SLC1A7: variants seen among roughly 807,000 people sequenced by gnomAD.
The protein encoded by SLC1A7 is solute carrier family 1 member 7.
In SLC1A7, 40 loss-of-function variants were observed where a neutral mutation model predicts 47.7. The observed-to-expected ratio is 0.84, with a 90% CI of 0.65 to 1.09. The LOEUF is 1.09. Ranked by LOEUF, SLC1A7 falls within the 50% of genes least tolerant of loss-of-function variation. The pLI, the probability that SLC1A7 is intolerant of heterozygous loss-of-function variation, is 0.00. For missense variants in SLC1A7, 746 were observed against 769.5 expected, an observed-to-expected ratio of 0.97 and a Z score of 0.36; for synonymous variants, 323 against 325.6, an observed-to-expected ratio of 0.99 and a Z score of 0.09.
Position 53,087,894 on chromosome 1 carries a change from T to G in SLC1A7, c.*115A>C. ...GGGGTTAATTCCAGCCTCTCAAGGG[T>G]GAGAAGAATGTGTGATCCTGGCCCC... On this transcript the variant is annotated 3_prime_UTR_variant, in exon 11 of 11. Transcript: ENST00000371494. 1.9e-6 allele frequency: 1 copy of G among 517,374 alleles called. No homozygotes were observed. Among genetic ancestry groups the G allele is most frequent in the Non-Finnish European group, 3.3e-6 (1 of 303,382 alleles). The allele number at this position is 517,374 out of a possible 1,614,324, so 32.0% of individuals were successfully genotyped here. A position where few individuals can be genotyped will look rare whatever the true frequency, so the allele number is the denominator to read the frequency against.
At chr1:53,107,450 G>A (rs1329417053) in intron 3 of SLC1A7, among the ~76,000 whole-genome samples, 2 of 152,270 alleles carry the variant, frequency 1.3e-5, no homozygotes, top group African/African-American at 4.8e-5. Context: ...TTTGACTAAC[G>A]TACCCTAGTT....
At chr1:53,109,587 C>T (rs961167888) in intron 3 of SLC1A7, among the ~76,000 whole-genome samples, 8 of 152,182 alleles carry the variant, frequency 5.3e-5, no homozygotes, top group Admixed American at 1.3e-4. Flanking sequence ...ACGCAGTGGG[C>T]TCCCACTTTC....
chr1:53,136,667 T>TATA (rs1491513212), intron 1 of SLC1A7, among the ~76,000 whole-genome samples: 173 of 2,762 alleles, frequency 0.063, no homozygotes, highest in Non-Finnish European at 0.15. Context: ...TATATATATA[T>TATA]TTTTTTTTTT....
intron 9 of SLC1A7, 86 bp downstream of exon 9, chr1:53,089,714 A>G: frequency 7.0e-7 from 1 of 1,429,204 alleles, no homozygotes; most frequent in East Asian, 2.3e-5. Context: ...ACCCTGGGGA[A>G]GGGACTCAGC....
chr1:53,114,866 A>T lies in SLC1A7; in HGVS notation c.323T>A (p.Ile108Asn), dbSNP rs751713137. ...TGGGTGGATGATGGAGACCATGAAG[A>T]TGCCCACGATGACAGCCATGAAGGT... ...WTTFMAVIVG[I>N]FMVSIIHPGS... The change falls in exon 3 of 11, where the codon ATC (isoleucine) becomes AAC (asparagine). Residue 108 changes from isoleucine (I) to asparagine (N), a missense_variant. Physicochemically the swap from Ile to Asn is moderately radical, Grantham distance 149. Transcript: ENST00000371494. 2.5e-6 allele frequency: 4 copies of T among 1,614,184 alleles called. No homozygotes were observed. The highest frequency in any genetic ancestry group is 3.4e-6 in the Non-Finnish European group (4 of 1,180,014).
At chr1:53,135,057 C>A (rs1365563134) in intron 1 of SLC1A7, among the ~76,000 whole-genome samples, 2 of 152,042 alleles carry the variant, frequency 1.3e-5, no homozygotes, top group East Asian at 3.9e-4. Context: ...GGGGCTTAAA[C>A]GGGAGAATGC....
chr1:53,092,546 G>A lies in SLC1A7; in HGVS notation c.1031+8C>T, dbSNP rs777368730. On this transcript the variant is annotated splice_region_variant and intron_variant, in intron 7 of 10. Coordinates refer to ENST00000371494, the MANE Select transcript of SLC1A7 (RefSeq NM_006671.6). ...GCTCCCCACCGTCCTGCCCGTCCCC[G>A]GGGCTACCTGGAGGAGGTGGCCAGC... The A allele has an allele frequency of 4.4e-6, 7 of 1,601,196 alleles. No homozygotes were observed. The highest frequency in any genetic ancestry group is 1.1e-5 in the South Asian group (1 of 90,772).
In SLC1A7 at chr1:53,120,085, C is replaced by T. The variant is rs112644394; in HGVS notation, c.216-5112G>A. On this transcript the variant is annotated intron_variant, in intron 2 of 10. Coordinates refer to ENST00000371494, the MANE Select transcript of SLC1A7 (RefSeq NM_006671.6). ...ATTGCAGTGATTAGAGACATTAACC[C>T]GCAGAGGCAGTGGGAAGGCCCAGCC... 5.2e-3 allele frequency among the ~76,000 whole-genome samples: 791 copies of T among 152,244 alleles called. 4 individuals are homozygous for T. Among genetic ancestry groups the T allele is most frequent in the Non-Finnish European group, 8.5e-3 (580 of 68,012 alleles).
intron 3 of SLC1A7, among the ~76,000 whole-genome samples, chr1:53,106,973 G>A (rs1191051756): frequency 6.6e-6 from 1 of 151,964 alleles, no homozygotes; most frequent in Non-Finnish European, 1.5e-5. Flanking sequence ...TGGCCAACAT[G>A]GCGAAACCCC....
rs752710827 is a variant in SLC1A7, at chr1:53,092,762, G to A, written c.823C>T (p.Leu275Phe). The A allele has an allele frequency of 6.2e-7, 1 of 1,613,714 alleles. No homozygotes were observed. The highest frequency in any genetic ancestry group is 8.5e-7 in the Non-Finnish European group (1 of 1,179,758). Reference sequence around the variant, plus strand: ...ATCTCCAGGATCTTACCCGCAATGAGGAACACAATGCCGAAGGGGAAATAC... The same window carrying A: ...ATCTCCAGGATCTTACCCGCAATGAAGAACACAATGCCGAAGGGGAAATAC... ...VWYFPFGIVF[L>F]IAGKILEMDD... The change falls in exon 7 of 11, where the codon CTC becomes TTC. Residue 275 changes from leucine (L) to phenylalanine (F), a missense_variant. Leu to Phe is a conservative substitution (Grantham distance 22, BLOSUM62 0). Transcript: ENST00000371494.
At chr1:53,096,530 GCTCAGTACACTCACACCCCATGC>G (rs1644493294) in intron 5 of SLC1A7, among the ~76,000 whole-genome samples, 1 of 130,518 alleles carries the variant, frequency 7.7e-6, no homozygotes, top group South Asian at 2.5e-4. Flanking sequence ...ATAAACCCCA[GCTCAGTACACTCACACCCCATGC>G]CTCAGTACAC....
At chr1:53,131,127 A>G (rs1431750103) in intron 2 of SLC1A7, among the ~76,000 whole-genome samples, 1 of 152,212 alleles carries the variant, frequency 6.6e-6, no homozygotes, top group Non-Finnish European at 1.5e-5. Flanking sequence ...TCTCAACTTA[A>G]TATCACATGC....
chr1:53,142,492 G>A lies in SLC1A7; in HGVS notation c.-43C>T, dbSNP rs562178601. The A allele has an allele frequency of 6.2e-6, 10 of 1,601,788 alleles. No homozygotes were observed. The highest frequency in any genetic ancestry group is 4.0e-5 in the African/African-American group (3 of 74,856). Reference sequence around the variant, plus strand: ...GGCAAGGGGCACAGCACCATTCCACGCATGAGAGCCCGGCCGGGGGCACAG... The same window carrying A: ...GGCAAGGGGCACAGCACCATTCCACACATGAGAGCCCGGCCGGGGGCACAG... On this transcript the variant is annotated 5_prime_UTR_variant, in exon 1 of 11. Coordinates refer to ENST00000371494, the MANE Select transcript of SLC1A7 (RefSeq NM_006671.6).
rs1317750049 is a variant in SLC1A7 at position 53,090,425 on chromosome 1, T to C, written c.1226+187A>G. The stretch of plus-strand genomic sequence containing the variant: ...CTGTCCCTGGCCTCCGCTCGCCCTG[T>C]GGCCACCAGCAATGCCCTCCCTCCC... On this transcript the variant is annotated intron_variant, in intron 8 of 10. Coordinates refer to ENST00000371494, the MANE Select transcript of SLC1A7 (RefSeq NM_006671.6). 4 of 936,962 alleles carry C rather than the reference T, an allele frequency of 4.3e-6. No individual in the cohort carries two copies. The African/African-American group carries it at 6.6e-5, about 16-fold the overall frequency. 58.0% of individuals were successfully genotyped at this position (936,962 alleles called of 1,614,324 possible). A position where few individuals can be genotyped will look rare whatever the true frequency, so the allele number is the denominator to read the frequency against.
intron 5 of SLC1A7, among the ~76,000 whole-genome samples, chr1:53,097,053 G>A (rs536973772): frequency 9.9e-5 from 13 of 131,334 alleles, no homozygotes; most frequent in Non-Finnish European, 1.6e-4. Flanking sequence ...AACCTGCCTC[G>A]GTACAATCAC....
intron 10 of SLC1A7, 123 bp downstream of exon 10, chr1:53,088,754 G>T: frequency 1.4e-6 from 1 of 720,514 alleles, no homozygotes; most frequent in Non-Finnish European, 2.5e-6. Context: ...GGAGACCGAG[G>T]CCCAGAGGCA....
At chr1:53,089,003 A>G (rs768442422) in intron 9 of SLC1A7, 24 bp from the exon 10 acceptor site, 2 of 1,590,322 alleles carry the variant, frequency 1.3e-6, no homozygotes, top group South Asian at 2.2e-5. Context: ...GTTGGGGGTG[A>G]GTGGTGGGCA....
At chr1:53,115,048 C>T (rs1341718258) in intron 2 of SLC1A7, 75 bp from the exon 3 acceptor site, 1 of 1,164,588 alleles carries the variant, frequency 8.6e-7, no homozygotes, top group Non-Finnish European at 1.3e-6. Context: ...CACTCAGCCC[C>T]TCCTGGCCAT....
At position 53,134,406 on chromosome 1, in the gene SLC1A7, A is replaced by G. The variant is rs3737989; in HGVS notation, c.159T>C (p.Pro53=). The change falls in exon 2 of 11, where the codon CCT becomes CCC. Residue 53 remains proline (P), a synonymous_variant. Coordinates refer to ENST00000371494, the MANE Select transcript of SLC1A7 (RefSeq NM_006671.6). The part of the protein sequence containing the change: ...SPQEISYFQF[P]GELLMRMLKM... The stretch of plus-strand genomic sequence containing the variant: ...TCAGCATCCTCATCAGGAGCTCTCC[A>G]GGGAACTGGAAGTAACTAATTTCCT... 0.18 allele frequency: 285,357 copies of G among 1,611,086 alleles called. 27,341 individuals are homozygous for G. The highest frequency in any genetic ancestry group is 0.34 in the Admixed American group (20,088 of 59,818).
Sources: gnomAD v4.1 joint callset for allele counts (sites outside exome capture counted in the v4.1 genomes callset) on GRCh38, gnomAD v4.1.1 for gene constraint, MANE v1.5 for transcripts, NCBI Gene and HGNC (gene_info 2026-07-23, HGNC 2026-07-21) for gene names.